Variants in ELF1 observed in about 807,000 individuals in gnomAD.
The protein encoded by ELF1 is E74 like ETS transcription factor 1, also known as ETS-related transcription factor Elf-1.
In ELF1, 24 loss-of-function variants were observed where a neutral mutation model predicts 59.9. That is an observed-to-expected ratio of 0.40 (90% CI 0.29 to 0.56). The LOEUF is 0.56. Ranked by LOEUF, ELF1 falls within the 20% of genes least tolerant of loss-of-function variation. The pLI, the probability that ELF1 is intolerant of heterozygous loss-of-function variation, is 0.44. For missense variants in ELF1, 627 were observed against 742.2 expected, an observed-to-expected ratio of 0.84 and a Z score of 1.80; for synonymous variants, 248 against 266.2, an observed-to-expected ratio of 0.93 and a Z score of 0.67.
intron 1 of ELF1, among the ~76,000 whole-genome samples, chr13:41,040,020 T>C (rs1287129830): frequency 6.6e-6 from 1 of 152,138 alleles, no homozygotes; most frequent in African/African-American, 2.4e-5. Context: ...TTCAAATGAT[T>C]AGAGAGGGTA....
intron 1 of ELF1, among the ~76,000 whole-genome samples, chr13:41,054,175 TA>T (rs1330784830): frequency 6.6e-6 from 1 of 152,178 alleles, no homozygotes; most frequent in East Asian, 1.9e-4. Flanking sequence ...AAGTACCATC[TA>T]AAAACCACTC....
upstream of ELF1, among the ~76,000 whole-genome samples, chr13:41,020,353 G>A (rs900627693): frequency 7.2e-5 from 11 of 152,160 alleles, no homozygotes; most frequent in African/African-American, 2.7e-4. Flanking sequence ...AATGATAAAT[G>A]CAACTCAATA....
chr13:41,031,605 G>C (rs1312062307), intron 1 of ELF1, among the ~76,000 whole-genome samples: 1 of 151,906 alleles, frequency 6.6e-6, no homozygotes, highest in Non-Finnish European at 1.5e-5. Flanking sequence ...GGATCACGAG[G>C]TTGGGAGTTC....
chr13:40,962,407 G>A (rs1170602007), intron 2 of ELF1, among the ~76,000 whole-genome samples: 1 of 152,084 alleles, frequency 6.6e-6, no homozygotes, highest in African/African-American at 2.4e-5. Context: ...GAGTGGCCAG[G>A]AGTGGTGGCT....
intron 3 of ELF1, among the ~76,000 whole-genome samples, chr13:40,956,010 T>C (rs9532687): frequency 0.46 from 55,299 of 120,462 alleles, 13,195 homozygotes; most frequent in Non-Finnish European, 0.61. Context: ...CGCCTCTGCC[T>C]GGCCGCCCCT....
intron 1 of ELF1, among the ~76,000 whole-genome samples, chr13:41,058,946 C>T (rs1023425106): frequency 2.1e-4 from 32 of 152,194 alleles, no homozygotes; most frequent in African/African-American, 7.0e-4. Context: ...GCCCTCCAGC[C>T]TGGGTTAACA....
chr13:41,017,809 GAA>G (rs907342486), intron 1 of ELF1, among the ~76,000 whole-genome samples: 3 of 151,640 alleles, frequency 2.0e-5, no homozygotes, highest in Admixed American at 6.6e-5. Context: ...AAAAAAAATA[GAA>G]AAGTCTTCAT....
chr13:40,934,416 CTTTTTTTTTT>C (rs10692930), intron 8 of ELF1, among the ~76,000 whole-genome samples: 6 of 102,482 alleles, frequency 5.9e-5, no homozygotes, highest in East Asian at 5.4e-4. Context: ...TTCATTCCTG[CTTTTTTTTTT>C]TTTTTTTTTT....
At chr13:41,037,336 G>A (rs1168234758) in intron 1 of ELF1, among the ~76,000 whole-genome samples, 1 of 152,166 alleles carries the variant, frequency 6.6e-6, no homozygotes, top group Non-Finnish European at 1.5e-5. Flanking sequence ...ACAGAATAAT[G>A]AGAAATAATA....
At chr13:41,060,251 C>G (rs1427565772) in intron 1 of ELF1, among the ~76,000 whole-genome samples, 3 of 152,220 alleles carry the variant, frequency 2.0e-5, no homozygotes, top group Admixed American at 2.0e-4. Context: ...AAATACCCTG[C>G]GGCCAGAGAA....
chr13:41,020,965 A>G (rs1194530718), upstream of ELF1, among the ~76,000 whole-genome samples: 1 of 152,242 alleles, frequency 6.6e-6, no homozygotes, highest in African/African-American at 2.4e-5. Context: ...TGATAATGAC[A>G]TTAAAAAAAC....
At chr13:41,024,313 TG>T (rs112153344), upstream of ELF1, among the ~76,000 whole-genome samples, 674 of 151,094 alleles carry the variant, frequency 4.5e-3, 5 homozygotes, top group Admixed American at 7.0e-3. Flanking sequence ...TTGTTTGTTT[TG>T]GGGGGGGTGG....
Position 40,955,762 on chromosome 13 carries a change from G to A in ELF1, c.253+3074C>T, listed in dbSNP as rs1482142788. Among the ~76,000 whole-genome samples, 397 of 83,766 alleles carry A rather than the reference G, an allele frequency of 4.7e-3. 1 individual carries two copies. The highest frequency in any genetic ancestry group is 0.014 in the Admixed American group (133 of 9,292). 55.0% of individuals were successfully genotyped at this position (83,766 alleles called of 152,430 possible). A position where few individuals can be genotyped will look rare whatever the true frequency, so the allele number is the denominator to read the frequency against. The stretch of plus-strand genomic sequence containing the variant: ...CCCCGCCCGGCCAGCCGCCCCGTCC[G>A]GGAGGGAGGCGGGGGGGTCAGCCCC... On this transcript the variant is annotated intron_variant, in intron 3 of 8. Transcript: ENST00000239882.
intron 8 of ELF1, among the ~76,000 whole-genome samples, chr13:40,938,882 C>T (rs892432265): frequency 3.3e-5 from 5 of 151,974 alleles, no homozygotes; most frequent in Non-Finnish European, 7.4e-5. Context: ...ATGCAAAATG[C>T]TATCAATTTG....
At chr13:41,046,862 T>C (rs1031198980) in intron 1 of ELF1, among the ~76,000 whole-genome samples, 1 of 152,222 alleles carries the variant, frequency 6.6e-6, no homozygotes, top group African/African-American at 2.4e-5. Context: ...TTCTCCTGGA[T>C]TATATCCTGA....
chr13:41,021,333 G>C (rs1875681954), upstream of ELF1, among the ~76,000 whole-genome samples: 1 of 152,164 alleles, frequency 6.6e-6, no homozygotes, highest in Non-Finnish European at 1.5e-5. Context: ...CTCTTCAACA[G>C]AAACAAATAT....
At chr13:40,951,866 TAA>T (rs530966733) in intron 3 of ELF1, among the ~76,000 whole-genome samples, 1 of 142,804 alleles carries the variant, frequency 7.0e-6, no homozygotes, top group African/African-American at 2.6e-5. Context: ...GACTCTGTCT[TAA>T]AAAAAAAAAA....
chr13:40,994,179 T>C lies in ELF1; in HGVS notation c.-228-11897A>G, dbSNP rs9562262. 2.1e-3 allele frequency among the ~76,000 whole-genome samples: 320 copies of C among 152,278 alleles called. 5 individuals are homozygous for C. In the East Asian group the frequency reaches 0.052, roughly 25 times the overall value. On this transcript the variant is annotated intron_variant, in intron 1 of 8. Coordinates refer to ENST00000239882, the MANE Select transcript of ELF1 (RefSeq NM_172373.4). ...TCACATAGTTCTTCACTTCCCATCATTGGCCACTTGGACTAACCTGGTATC... is the reference window on the plus strand; with the variant it reads ...TCACATAGTTCTTCACTTCCCATCACTGGCCACTTGGACTAACCTGGTATC...
At chr13:40,993,509 G>A (rs1873974894) in intron 1 of ELF1, among the ~76,000 whole-genome samples, 2 of 152,170 alleles carry the variant, frequency 1.3e-5, no homozygotes, top group South Asian at 4.2e-4. Context: ...TAGAGACAGG[G>A]TCTCGTTGTT....
Sources: gnomAD v4.1 joint callset for allele counts (sites outside exome capture counted in the v4.1 genomes callset) on GRCh38, gnomAD v4.1.1 for gene constraint, MANE v1.5 for transcripts, NCBI Gene and HGNC (gene_info 2026-07-23, HGNC 2026-07-21) for gene names.